NRXN1: variants seen among roughly 807,000 people sequenced by gnomAD.
NRXN1 encodes neurexin 1.
In NRXN1, 39 loss-of-function variants were observed where a neutral mutation model predicts 150.9. That is an observed-to-expected ratio of 0.26 (90% CI 0.20 to 0.34). The LOEUF is 0.34. NRXN1 is among the 10% of genes least tolerant of loss of function. The probability of loss-of-function intolerance (pLI) is 1.00; values close to 1 mark genes in which losing one functional copy is unlikely to be tolerated. For synonymous variants in NRXN1, 924 were observed against 757.0 expected (o/e 1.22, Z -3.62); for missense variants, 1,815 against 1,949.9 (o/e 0.93, Z 1.30).
At chr2:50,400,919 A>C (rs2082350076) in intron 17 of NRXN1, among the ~76,000 whole-genome samples, 1 of 152,186 alleles carries the variant, frequency 6.6e-6, no homozygotes, top group Non-Finnish European at 1.5e-5. Context: ...GCTCCGCAAG[A>C]TATATCTATT....
At chr2:50,063,846 T>C (rs1323027252) in intron 19 of NRXN1, among the ~76,000 whole-genome samples, 2 of 152,138 alleles carry the variant, frequency 1.3e-5, no homozygotes, top group African/African-American at 4.8e-5. Flanking sequence ...TATAACACAA[T>C]GGTGAGCACA....
chr2:50,128,515 A>T (rs1207884339), intron 18 of NRXN1, among the ~76,000 whole-genome samples: 1 of 152,202 alleles, frequency 6.6e-6, no homozygotes, highest in Admixed American at 6.5e-5. Flanking sequence ...TATATACACC[A>T]ATGGATTTCC....
intron 5 of NRXN1, among the ~76,000 whole-genome samples, chr2:50,629,348 TA>T (rs888284799): frequency 3.1e-4 from 47 of 151,264 alleles, no homozygotes; most frequent in Middle Eastern, 3.4e-3. Context: ...AATGTTTAGC[TA>T]AAAAAAATGC....
chr2:50,989,067 T>C (rs1315866422), intron 2 of NRXN1, among the ~76,000 whole-genome samples: 1 of 152,034 alleles, frequency 6.6e-6, no homozygotes, highest in East Asian at 1.9e-4. Flanking sequence ...ATTTTTCTTC[T>C]TTTGCTTTGA....
chr2:50,382,398 T>C (rs2081035431), intron 17 of NRXN1, among the ~76,000 whole-genome samples: 2 of 152,222 alleles, frequency 1.3e-5, no homozygotes, highest in Admixed American at 6.5e-5. Flanking sequence ...TCTGATAATC[T>C]GTCAAGACTT....
chr2:50,060,039 C>T (rs950065228), intron 19 of NRXN1, among the ~76,000 whole-genome samples: 1 of 152,308 alleles, frequency 6.6e-6, no homozygotes, highest in East Asian at 1.9e-4. Context: ...AAGAGGGCCA[C>T]TGTCCTCCAG....
chr2:50,560,744 A>C (rs1668948450), intron 8 of NRXN1, among the ~76,000 whole-genome samples: 1 of 152,168 alleles, frequency 6.6e-6, no homozygotes. Flanking sequence ...TTTAATTTTA[A>C]AGAGACATAC....
intron 19 of NRXN1, among the ~76,000 whole-genome samples, chr2:50,068,289 C>A (rs888815832): frequency 3.3e-5 from 5 of 152,012 alleles, no homozygotes; most frequent in Non-Finnish European, 5.9e-5. Flanking sequence ...ATTGCTAGCC[C>A]CATTCAATTT....
At chr2:50,861,263 A>T (rs1676093715) in intron 5 of NRXN1, among the ~76,000 whole-genome samples, 2 of 152,036 alleles carry the variant, frequency 1.3e-5, no homozygotes, top group Admixed American at 6.6e-5. Flanking sequence ...CTCAACCTGG[A>T]GTGCAGTGAG....
chr2:50,318,317 C>A (rs1447671373), intron 17 of NRXN1, among the ~76,000 whole-genome samples: 1 of 152,086 alleles, frequency 6.6e-6, no homozygotes, highest in East Asian at 1.9e-4. Flanking sequence ...GATGAGAACA[C>A]AGAGCAATAG....
chr2:50,452,231 G>C (rs2087036211), intron 17 of NRXN1, among the ~76,000 whole-genome samples: 1 of 152,146 alleles, frequency 6.6e-6, no homozygotes, highest in African/African-American at 2.4e-5. Context: ...CTTTTTATAG[G>C]AATTGGCAGG....
At chr2:50,932,084 CA>C (rs1687832970) in intron 2 of NRXN1, among the ~76,000 whole-genome samples, 1 of 151,750 alleles carries the variant, frequency 6.6e-6, no homozygotes, top group South Asian at 2.1e-4. Context: ...GGTGCCTGGC[CA>C]AAAAATATTA....
At chr2:50,203,975 C>T (rs1372150564) in intron 18 of NRXN1, among the ~76,000 whole-genome samples, 2 of 152,092 alleles carry the variant, frequency 1.3e-5, no homozygotes, top group African/African-American at 4.8e-5. Flanking sequence ...AACGCCAATA[C>T]TGTGTAAATA....
chr2:50,690,402 C>T (rs1480840816), intron 5 of NRXN1, among the ~76,000 whole-genome samples: 1 of 152,112 alleles, frequency 6.6e-6, no homozygotes. Context: ...TGTGATAGTC[C>T]TCTTTATGTA....
chr2:51,022,962 C>A (rs1005588859), intron 2 of NRXN1, among the ~76,000 whole-genome samples: 1 of 152,120 alleles, frequency 6.6e-6, no homozygotes, highest in Non-Finnish European at 1.5e-5. Flanking sequence ...AACCACAGTA[C>A]AATCCACATA....
At chr2:50,777,274 G>A (rs1703776520) in intron 5 of NRXN1, among the ~76,000 whole-genome samples, 1 of 152,068 alleles carries the variant, frequency 6.6e-6, no homozygotes, top group African/African-American at 2.4e-5. Flanking sequence ...TAGCAAATGG[G>A]ATATGAGGTT....
intron 9 of NRXN1, among the ~76,000 whole-genome samples, chr2:50,540,916 C>T (rs1045572422): frequency 6.6e-6 from 1 of 152,172 alleles, no homozygotes; most frequent in African/African-American, 2.4e-5. Context: ...CCCACCTTGG[C>T]CTCCCAAAGT....
intron 18 of NRXN1, among the ~76,000 whole-genome samples, chr2:50,114,560 T>C (rs180903076): frequency 6.6e-6 from 1 of 152,200 alleles, no homozygotes; most frequent in Admixed American, 6.6e-5. Context: ...TGTACATGGA[T>C]GTTTATAGCA....
intron 17 of NRXN1, among the ~76,000 whole-genome samples, chr2:50,434,119 G>C (rs2085223696): frequency 7.3e-6 from 1 of 137,592 alleles, no homozygotes; most frequent in South Asian, 2.3e-4. Context: ...TGCAATGGCT[G>C]GCGCATCTCC....
Sources: allele counts gnomAD v4.1 joint callset (sites outside exome capture counted in the v4.1 genomes callset), GRCh38; gene constraint gnomAD v4.1.1; transcripts MANE v1.5; gene names NCBI Gene and HGNC (gene_info 2026-07-23, HGNC 2026-07-21).